The following SLC6A3 variants were observed in gnomAD, a reference collection of about 807,000 sequenced individuals.
The protein encoded by SLC6A3 is solute carrier family 6 member 3, also known as sodium-dependent dopamine transporter.
SLC6A3 carries 19 observed loss-of-function variants against 70.4 expected under a neutral mutation model. That is an observed-to-expected ratio of 0.27 (90% CI 0.19 to 0.40). The LOEUF (loss-of-function observed/expected upper bound fraction) is 0.40. Among genes scored for constraint, SLC6A3 ranks in the 10% least tolerant of loss-of-function variants. The pLI is 1.00. For missense variants in SLC6A3, 613 were observed against 838.5 expected (o/e 0.73, Z 3.32); for synonymous variants, 368 against 356.6 (o/e 1.03, Z -0.36).
At chr5:1,414,068 A>ACCCTGTGCTGGATGT (rs1756193073) in intron 8 of SLC6A3, among the ~76,000 whole-genome samples, 2 of 151,878 alleles carry the variant, frequency 1.3e-5, no homozygotes, top group Admixed American at 1.3e-4. Flanking sequence ...GGGCAGGGAC[A>ACCCTGTGCTGGATGT]CCCTGTGCTG....
chr5:1,442,961 G>A lies in SLC6A3; in HGVS notation c.237C>T (p.Asp79=), dbSNP rs1206142535. ...FLLSVIGFAV[D]LANVWRFPYL... is the part of the protein sequence containing the mutation. The stretch of plus-strand genomic sequence containing the variant: ...AGGGGAACCGCCAGACGTTGGCCAG[G>A]TCCACAGCAAAGCCAATGACGGACA... The change falls in exon 2 of 15, where the codon GAC becomes GAT. Residue 79 remains aspartate (D), a synonymous_variant. Coordinates refer to ENST00000270349, the MANE Select transcript of SLC6A3 (RefSeq NM_001044.5). This position sits in a 1 kb window ranked among gnomAD's most constrained non-coding sequence, Gnocchi z 5.0. The A allele has an allele frequency of 6.2e-7, 1 of 1,614,098 alleles. No homozygotes were observed. The highest frequency in any genetic ancestry group is 8.5e-7 in the Non-Finnish European group (1 of 1,180,060).
At chr5:1,407,408 C>T (rs931184324) in intron 11 of SLC6A3, among the ~76,000 whole-genome samples, 10 of 152,238 alleles carry the variant, frequency 6.6e-5, no homozygotes, top group Non-Finnish European at 1.0e-4. Context: ...CAAGGCCCCT[C>T]GGCCCCCAGA....
rs866812371 is a variant in SLC6A3 at position 1,406,468 on chromosome 5, C to T, written c.1499-180G>A. ...CCCAGCCCACTGGGTGCCTCGCTGA[C>T]GGGTGGGAGCCCACGTGCCTGCTCC... On this transcript the variant is annotated intron_variant, in intron 11 of 14. Transcript: ENST00000270349. The surrounding 1 kb of genome is among the most constrained non-coding windows in gnomAD (Gnocchi z 8.8). 5.3e-5 allele frequency among the ~76,000 whole-genome samples: 8 copies of T among 152,168 alleles called. No homozygotes were observed. Among genetic ancestry groups the T allele is most frequent in the South Asian group, 4.1e-4 (2 of 4,834 alleles).
chr5:1,418,618 CCATCCATCATCGATCCATCCATCCATG>C (rs1416437876), intron 6 of SLC6A3, among the ~76,000 whole-genome samples: 2 of 151,542 alleles, frequency 1.3e-5, no homozygotes, highest in Admixed American at 6.6e-5. Context: ...ATCCATCCAC[CCATCCATCATCGATCCATCCATCCATG>C]CTATCCAGCT....
At position 1,427,801 on chromosome 5, in the gene SLC6A3, T is replaced by TA. The variant is rs563499716; in HGVS notation, c.653+4662dup. ...AAGCGGTCAATTCAAAGACTAATAA[T>TA]AATAAACATGTATGCACTTCATAGC... On this transcript the variant is annotated intron_variant, in intron 4 of 14. Transcript: ENST00000270349. 1.4e-4 allele frequency among the ~76,000 whole-genome samples: 22 copies of TA among 152,306 alleles called. No individual in the cohort carries two copies. The South Asian group carries it at 2.3e-3, about 16-fold the overall frequency.
chr5:1,400,730 C>A (rs28363150), intron 14 of SLC6A3, among the ~76,000 whole-genome samples, 185 bp downstream of exon 14: 1 of 152,292 alleles, frequency 6.6e-6, no homozygotes, highest in East Asian at 1.9e-4. Context: ...ATGTGCCCCC[C>A]GTCCCGGGCA....
In SLC6A3 at chr5:1,394,181, C is replaced by T. The variant is rs185128091; in HGVS notation, c.*554G>A. On this transcript the variant is annotated 3_prime_UTR_variant, in exon 15 of 15. Transcript: ENST00000270349. This position sits in a 1 kb window ranked among gnomAD's most constrained non-coding sequence, Gnocchi z 4.7. ...ATGTGTCAACTGAACGCTCAATTTA[C>T]GGCCTCTGCTGGGAGCCACGCATCG... 5.6e-5 allele frequency: 10 copies of T among 179,262 alleles called. No homozygotes were observed. The highest frequency in any genetic ancestry group is 1.4e-4 in the East Asian group (1 of 6,970). The allele number at this position is 179,262 out of a possible 1,614,324, so 11.1% of individuals were successfully genotyped here.
chr5:1,440,037 A>G (rs1756937166), intron 3 of SLC6A3, among the ~76,000 whole-genome samples: 1 of 152,184 alleles, frequency 6.6e-6, no homozygotes, highest in South Asian at 2.1e-4. Context: ...GGCCACCTGC[A>G]CTCAACACGA....
rs1756380788 is a variant in SLC6A3 at position 1,419,323 on chromosome 5, T to TCCATC, written c.927+1245_927+1246insGATGG. 1.2e-4 allele frequency among the ~76,000 whole-genome samples: 17 copies of TCCATC among 142,970 alleles called. 1 individual carries two copies. The highest frequency in any genetic ancestry group is 1.6e-4 in the African/African-American group (6 of 37,868). The allele number at this position is 142,970 out of a possible 152,430, so 93.8% of individuals were successfully genotyped here. A position where few individuals can be genotyped will look rare whatever the true frequency, so the allele number is the denominator to read the frequency against. On this transcript the variant is annotated intron_variant, in intron 6 of 14. Coordinates refer to ENST00000270349, the MANE Select transcript of SLC6A3 (RefSeq NM_001044.5). Reference sequence around the variant, plus strand: ...TCCTATCCACCTACTTACCTAGCATTCATCCATCCATCCATCCATCCATCC... The same window carrying TCCATC: ...TCCTATCCACCTACTTACCTAGCATTCCATCCATCCATCCATCCATCCATCCATCC...
chr5:1,419,125 C>T (rs906963491), intron 6 of SLC6A3, among the ~76,000 whole-genome samples: 2 of 151,794 alleles, frequency 1.3e-5, no homozygotes, highest in Admixed American at 6.6e-5. Flanking sequence ...ACCCATGCAT[C>T]ATCCATTCAT....
chr5:1,409,956 G>C, intron 9 of SLC6A3, 107 bp from the exon 10 acceptor site: 1 of 1,431,616 alleles, frequency 7.0e-7, no homozygotes, highest in Non-Finnish European at 9.7e-7. Flanking sequence ...GGATGGACAC[G>C]GAACAGGGGC....
chr5:1,435,457 T>C (rs2126399953), intron 3 of SLC6A3, among the ~76,000 whole-genome samples: 1 of 152,356 alleles, frequency 6.6e-6, no homozygotes, highest in East Asian at 1.9e-4. Flanking sequence ...GGGCTGAGTG[T>C]ACCCTGGGTC....
At chr5:1,428,406 C>T (rs190339488) in intron 4 of SLC6A3, among the ~76,000 whole-genome samples, 29 of 152,054 alleles carry the variant, frequency 1.9e-4, no homozygotes, top group East Asian at 7.7e-4. Flanking sequence ...TAGGCAGTGT[C>T]GATAAGTATT....
At chr5:1,423,463 A>G (rs1193051219) in intron 4 of SLC6A3, among the ~76,000 whole-genome samples, 1 of 152,232 alleles carries the variant, frequency 6.6e-6, no homozygotes, top group Non-Finnish European at 1.5e-5. Flanking sequence ...ACCAGCCAGC[A>G]CTGTTTTCTG....
chr5:1,401,217 G>T lies in SLC6A3; in HGVS notation c.1768-231C>A. 1.4e-6 allele frequency: 1 copy of T among 695,630 alleles called. No individual in the cohort carries two copies. The highest frequency in any genetic ancestry group is 2.6e-6 in the Non-Finnish European group (1 of 380,722). The allele number at this position is 695,630 out of a possible 1,614,324, so 43.1% of individuals were successfully genotyped here. On this transcript the variant is annotated intron_variant, in intron 13 of 14. Transcript: ENST00000270349. The surrounding 1 kb of genome is among the most constrained non-coding windows in gnomAD (Gnocchi z 6.1). ...TCAGGCCCGAAGCCAACATCCTGACGGTCCCCTTAAAGTCTAGCGCAGAGC... is the reference window on the plus strand; with the variant it reads ...TCAGGCCCGAAGCCAACATCCTGACTGTCCCCTTAAAGTCTAGCGCAGAGC...
intron 8 of SLC6A3, 33 bp downstream of exon 8, chr5:1,414,658 G>C: frequency 6.2e-7 from 1 of 1,609,928 alleles, no homozygotes; most frequent in Middle Eastern, 1.7e-4. Context: ...GGTGCTACAC[G>C]GAGCAGGCCC....
intron 3 of SLC6A3, among the ~76,000 whole-genome samples, chr5:1,439,824 G>A (rs1249621298): frequency 1.3e-5 from 2 of 152,262 alleles, no homozygotes; most frequent in African/African-American, 4.8e-5. Flanking sequence ...CACTGGGCAA[G>A]TGTGACCTGC....
rs543411900 is a variant in SLC6A3, at chr5:1,406,542, C to T, written c.1499-254G>A. Reference sequence around the variant, plus strand: ...GCCGTGCCCCGGTGGGTGCTCCCCGCGCCCCGGCAACAGCCCCTCGGGTCC... The same window carrying T: ...GCCGTGCCCCGGTGGGTGCTCCCCGTGCCCCGGCAACAGCCCCTCGGGTCC... On this transcript the variant is annotated intron_variant, in intron 11 of 14. Transcript: ENST00000270349. This position sits in a 1 kb window ranked among gnomAD's most constrained non-coding sequence, Gnocchi z 8.8. Among the ~76,000 whole-genome samples, 7 of 152,298 alleles carry T rather than the reference C, an allele frequency of 4.6e-5. No homozygotes were observed. Among genetic ancestry groups the T allele is most frequent in the Admixed American group, 6.5e-5 (1 of 15,312 alleles).
intron 4 of SLC6A3, among the ~76,000 whole-genome samples, chr5:1,431,596 A>G (rs934303898): frequency 0.012 from 244 of 19,880 alleles, no homozygotes; most frequent in Middle Eastern, 0.025. Context: ...GGGGTGGACC[A>G]TGAGGGGCGG....
Sources: allele counts gnomAD v4.1 joint callset (sites outside exome capture counted in the v4.1 genomes callset), GRCh38; gene constraint gnomAD v4.1.1; non-coding constraint Gnocchi (gnomAD v3.1); transcripts MANE v1.5; gene names NCBI Gene and HGNC (gene_info 2026-07-23, HGNC 2026-07-21).